Variants in SIL1 observed in about 807,000 individuals in gnomAD.
The protein encoded by SIL1 is SIL1 nucleotide exchange factor.
In SIL1, 40 loss-of-function variants were observed where a neutral mutation model predicts 49.1. The ratio of observed to expected loss-of-function variants is 0.81; its 90% CI spans 0.63 to 1.06. The LOEUF (loss-of-function observed/expected upper bound fraction) is 1.06. Ranked by LOEUF, SIL1 falls within the 50% of genes least tolerant of loss-of-function variation. The probability of loss-of-function intolerance (pLI) is 0.00; values close to 1 mark genes in which losing one functional copy is unlikely to be tolerated. For synonymous variants in SIL1, 253 were observed against 250.8 expected (o/e 1.01, Z -0.08); for missense variants, 500 against 572.6 (o/e 0.87, Z 1.29).
intron 5 of SIL1, 104 bp downstream of exon 5, chr5:139,042,516 A>T (rs748899179): frequency 5.1e-5 from 48 of 942,286 alleles, no homozygotes; most frequent in Admixed American, 5.1e-5. Context: ...CAATATTGTT[A>T]TCCCATGTTT....
chr5:139,144,766 G>A lies in SIL1; in HGVS notation c.-10-16913C>T, dbSNP rs575759862. 2.0e-5 allele frequency among the ~76,000 whole-genome samples: 3 copies of A among 152,214 alleles called. No homozygotes were observed. In the South Asian group the frequency reaches 6.2e-4, roughly 32 times the overall value. On this transcript the variant is annotated intron_variant, in intron 1 of 9. Transcript: ENST00000394817. ...GGCACCTTTAGTCCCAGCTACTCGGGAGGCTGAAGCACAAGAATCACTTGA... is the reference window on the plus strand; with the variant it reads ...GGCACCTTTAGTCCCAGCTACTCGGAAGGCTGAAGCACAAGAATCACTTGA...
intron 3 of SIL1, among the ~76,000 whole-genome samples, chr5:139,056,548 G>T: frequency 6.6e-6 from 1 of 150,818 alleles, no homozygotes; most frequent in East Asian, 2.0e-4. Flanking sequence ...GAGGGAGGTG[G>T]GGGGGTCAGC....
intron 7 of SIL1, among the ~76,000 whole-genome samples, chr5:138,966,683 C>A (rs779676815): frequency 6.6e-5 from 10 of 152,156 alleles, no homozygotes; most frequent in African/African-American, 2.4e-4. Context: ...TGGAGGCCAC[C>A]ATTTAATAGC....
At chr5:139,176,456 C>A (rs1001361908) in intron 1 of SIL1, among the ~76,000 whole-genome samples, 1 of 152,184 alleles carries the variant, frequency 6.6e-6, no homozygotes, top group Non-Finnish European at 1.5e-5. Flanking sequence ...TCTGTTATAG[C>A]AACACCCTAC....
chr5:139,088,987 C>T (rs1029039862), intron 3 of SIL1, among the ~76,000 whole-genome samples: 12 of 152,160 alleles, frequency 7.9e-5, no homozygotes, highest in Non-Finnish European at 5.9e-5. Flanking sequence ...ATCTCAGCAT[C>T]GGCTTCAGGA....
At chr5:138,960,204 T>G (rs1425360601) in intron 7 of SIL1, among the ~76,000 whole-genome samples, 1 of 152,222 alleles carries the variant, frequency 6.6e-6, no homozygotes, top group Non-Finnish European at 1.5e-5. Flanking sequence ...CTCACTGTCA[T>G]GTATCTTACA....
At chr5:139,175,249 G>A (rs1282998107) in intron 1 of SIL1, among the ~76,000 whole-genome samples, 1 of 152,102 alleles carries the variant, frequency 6.6e-6, no homozygotes, top group African/African-American at 2.4e-5. Context: ...TTGAAGCCGG[G>A]AGGCGGAGGT....
rs570410886 is a variant in SIL1, at chr5:139,170,857, G to A, written c.-11+27412C>T. On this transcript the variant is annotated intron_variant, in intron 1 of 9. Transcript: ENST00000394817. ...AGCCCCCCGCCCGGCCAGCCGCCCC[G>A]TCCGGGAGGTGAGGGGCGCCTCTGC... is the stretch of plus-strand genomic sequence containing the variant. 1.3e-3 allele frequency among the ~76,000 whole-genome samples: 191 copies of A among 149,188 alleles called. 1 individual carries two copies. The highest frequency in any genetic ancestry group is 3.0e-3 in the South Asian group (14 of 4,718).
At chr5:139,090,933 G>A (rs1293986624) in intron 3 of SIL1, among the ~76,000 whole-genome samples, 3 of 152,120 alleles carry the variant, frequency 2.0e-5, no homozygotes, top group African/African-American at 7.2e-5. Context: ...AATAAGCAGT[G>A]TTGGGATAAC....
chr5:139,127,382 T>G (rs908240228), intron 2 of SIL1, among the ~76,000 whole-genome samples: 2 of 152,184 alleles, frequency 1.3e-5, no homozygotes, highest in East Asian at 3.8e-4. Flanking sequence ...AGTCTTCTCC[T>G]CAAAAGGAGA....
At chr5:139,060,014 C>T (rs1276335366) in intron 3 of SIL1, among the ~76,000 whole-genome samples, 1 of 152,200 alleles carries the variant, frequency 6.6e-6, no homozygotes, top group African/African-American at 2.4e-5. Flanking sequence ...TTTAGCTTTA[C>T]AGTACCTGGT....
chr5:139,106,032 C>T (rs1382878744), intron 3 of SIL1, among the ~76,000 whole-genome samples: 1 of 150,496 alleles, frequency 6.6e-6, no homozygotes, highest in East Asian at 2.0e-4. Context: ...GGGAGGGGGA[C>T]GCAGGAGTGG....
At chr5:139,084,987 G>C (rs1269274329) in intron 3 of SIL1, among the ~76,000 whole-genome samples, 2 of 152,084 alleles carry the variant, frequency 1.3e-5, no homozygotes, top group South Asian at 2.1e-4. Context: ...TGTGCAACAT[G>C]CTTCACCATC....
intron 7 of SIL1, among the ~76,000 whole-genome samples, chr5:138,991,535 A>T (rs1442367953): frequency 6.6e-6 from 1 of 152,182 alleles, no homozygotes; most frequent in African/African-American, 2.4e-5. Flanking sequence ...CTAACTCCCT[A>T]AAAAAGCCCC....
intron 7 of SIL1, among the ~76,000 whole-genome samples, chr5:139,020,409 G>A (rs1212185512): frequency 6.6e-6 from 1 of 152,186 alleles, no homozygotes; most frequent in African/African-American, 2.4e-5. Context: ...CTGTAACATC[G>A]TGACCTGCAT....
At chr5:139,112,533 C>T (rs1464156279) in intron 3 of SIL1, among the ~76,000 whole-genome samples, 41 of 151,110 alleles carry the variant, frequency 2.7e-4, no homozygotes, top group Non-Finnish European at 1.5e-4. Flanking sequence ...TCTGCCCGGC[C>T]GCCCCGTCTG....
intron 7 of SIL1, among the ~76,000 whole-genome samples, chr5:139,017,987 A>G (rs1367929723): frequency 2.6e-5 from 4 of 152,234 alleles, no homozygotes; most frequent in African/African-American, 4.8e-5. Flanking sequence ...TAAAAGCATC[A>G]GCACCCCTAC....
chr5:139,110,214 A>G (rs1770812993), intron 3 of SIL1, among the ~76,000 whole-genome samples: 1 of 151,192 alleles, frequency 6.6e-6, no homozygotes, highest in Non-Finnish European at 1.5e-5. Flanking sequence ...CCAAACTGGG[A>G]GATGATGGAA....
In SIL1 at chr5:138,946,864, G is replaced by T. The variant is rs765157582; in HGVS notation, c.*253C>A. 7.3e-6 allele frequency: 4 copies of T among 549,224 alleles called. No homozygotes were observed. The highest frequency in any genetic ancestry group is 1.3e-5 in the Non-Finnish European group (4 of 303,586). 34.0% of individuals were successfully genotyped at this position (549,224 alleles called of 1,614,324 possible). On this transcript the variant is annotated 3_prime_UTR_variant, in exon 10 of 10. Transcript: ENST00000394817. The stretch of plus-strand genomic sequence containing the variant: ...CTCCTGGGCCCAGGTTCCTGCCCTG[G>T]AGCCTGTTCCTGGATGCCCTGGGCT...
Sources: gnomAD v4.1 joint callset for allele counts (sites outside exome capture counted in the v4.1 genomes callset) on GRCh38, gnomAD v4.1.1 for gene constraint, MANE v1.5 for transcripts, NCBI Gene and HGNC (gene_info 2026-07-23, HGNC 2026-07-21) for gene names.